The following NLRP8 variants were observed in gnomAD, a reference collection of about 807,000 sequenced individuals.
The protein encoded by NLRP8 is NACHT, LRR and PYD domains-containing protein 8.
A neutral mutation model predicts 88.7 loss-of-function variants in NLRP8; 86 were observed. That is an observed-to-expected ratio of 0.97 (90% CI 0.81 to 1.16). NLRP8 has a LOEUF of 1.16. Ranked by LOEUF, NLRP8 falls within the 50% of genes most tolerant of loss-of-function variation. NLRP8 has a pLI of 0.00. For missense variants in NLRP8, 1,342 were observed against 1,286.5 expected (o/e 1.04, Z -0.66); for synonymous variants, 504 against 494.6 (o/e 1.02, Z -0.25).
In NLRP8 at chr19:55,954,905, C is replaced by T. The variant is rs561042891; in HGVS notation, c.847C>T (p.Leu283=). 3.7e-5 allele frequency: 59 copies of T among 1,614,202 alleles called. No homozygotes were observed. The highest frequency in any genetic ancestry group is 5.5e-5 in the South Asian group (5 of 91,084). ...TATGTCCAAACCCGACCAACTTCTG[C>T]TGCTCTTGGATGGCTTTGAGGAGCT... The change falls in exon 3 of 10, where the codon CTG becomes TTG. Residue 283 remains leucine, a synonymous_variant. Transcript: ENST00000291971.
intron 9 of NLRP8, among the ~76,000 whole-genome samples, 170 bp downstream of exon 9, chr19:55,979,734 T>C (rs306474): frequency 0.37 from 55,551 of 151,676 alleles, 10,722 homozygotes; most frequent in Non-Finnish European, 0.43. Context: ...CTGGGCAACA[T>C]TGCAAAACCC....
At chr19:55,957,675 ATATATATATATATATATATATATAT>A (rs375645404) in intron 3 of NLRP8, among the ~76,000 whole-genome samples, 67,442 of 105,504 alleles carry the variant, frequency 0.64, 19,308 homozygotes, top group East Asian at 0.76. Flanking sequence ...AATAATAATT[ATATATATATATATATATATATATAT>A]ATATATATAT....
rs2123240851 is a variant in NLRP8 at position 55,987,925 on chromosome 19, A to G, written c.*12A>G. On this transcript the variant is annotated 3_prime_UTR_variant, in exon 10 of 10. Transcript: ENST00000291971. ...AGATTAATCCTTAGGCCGTCCAGTCATCTTTCTCTGGGGCTTGATTGATCA... is the reference window on the plus strand; with the variant it reads ...AGATTAATCCTTAGGCCGTCCAGTCGTCTTTCTCTGGGGCTTGATTGATCA... 1.3e-6 allele frequency: 2 copies of G among 1,590,378 alleles called. No homozygotes were observed. The highest frequency in any genetic ancestry group is 1.1e-5 in the South Asian group (1 of 90,570).
intron 8 of NLRP8, among the ~76,000 whole-genome samples, chr19:55,976,824 A>G (rs976235434): frequency 8.9e-5 from 5 of 56,002 alleles, no homozygotes; most frequent in African/African-American, 3.2e-4. Flanking sequence ...TCACGCCTAT[A>G]ATCCCAGCAC....
chr19:55,973,859 G>A lies in NLRP8; in HGVS notation c.2705+37G>A, dbSNP rs569450756. Reference sequence around the variant, plus strand: ...AATGTTTTCTTCTCTGAATTCCCTGGAGCAGAACAGGGTGATGAAGAGAAC... The same window carrying A: ...AATGTTTTCTTCTCTGAATTCCCTGAAGCAGAACAGGGTGATGAAGAGAAC... On this transcript the variant is annotated intron_variant, in intron 7 of 9. Transcript: ENST00000291971. 2.5e-6 allele frequency: 4 copies of A among 1,585,038 alleles called. No individual in the cohort carries two copies. In the African/African-American group the frequency reaches 5.4e-5, roughly 21 times the overall value.
Position 55,986,294 on chromosome 19 carries a change from ACACT to A in NLRP8, c.3048-1518_3048-1515del, listed in dbSNP as rs926666355. On this transcript the variant is annotated intron_variant, in intron 9 of 9. Coordinates refer to ENST00000291971, the MANE Select transcript of NLRP8 (RefSeq NM_176811.2). The stretch of plus-strand genomic sequence containing the variant: ...CCAACACACACTCACACTCACACAC[ACACT>A]CTATCATACACAGTCTCTCACACAC... Among the ~76,000 whole-genome samples the A allele has an allele frequency of 7.3e-5, 11 of 151,126 alleles. No homozygotes were observed. The East Asian group carries it at 1.4e-3, about 19-fold the overall frequency.
chr19:55,958,412 C>T (rs1270920448), intron 3 of NLRP8, among the ~76,000 whole-genome samples: 1 of 152,168 alleles, frequency 6.6e-6, no homozygotes, highest in Non-Finnish European at 1.5e-5. Flanking sequence ...AAGTTCTGTT[C>T]CATTCTTCAC....
rs772876824 is a variant in NLRP8, at chr19:55,955,187, G to T, written c.1129G>T (p.Asp377Tyr). The T allele has an allele frequency of 1.4e-5, 23 of 1,614,022 alleles. No homozygotes were observed. In the South Asian group the frequency reaches 2.3e-4, roughly 16 times the overall value. The change falls in exon 3 of 10, where the codon GAC becomes TAC. Residue 377 changes from aspartate (D) to tyrosine (Y), a missense_variant. Transcript: ENST00000291971. ...GTATTTTGGACACACAGAGGAGGGA[G>T]ACCAAGTCTTGAGTTTCGCCATGGA... is the stretch of plus-strand genomic sequence containing the variant.
intron 3 of NLRP8, among the ~76,000 whole-genome samples, chr19:55,958,223 G>A (rs935328094): frequency 3.9e-5 from 6 of 152,154 alleles, no homozygotes; most frequent in Admixed American, 2.6e-4. Context: ...ACTGCTCTGC[G>A]AAAAGGAACC....
At chr19:55,952,653 G>A (rs766575090) in intron 2 of NLRP8, 41 bp downstream of exon 2, 1 of 1,538,202 alleles carries the variant, frequency 6.5e-7, no homozygotes, top group East Asian at 2.2e-5. Flanking sequence ...GAAAAAATGG[G>A]CTATGGACTG....
Position 55,973,696 on chromosome 19 carries a change from C to T in NLRP8, c.2579C>T (p.Ala860Val), listed in dbSNP as rs756711324. ...ACACAGCTTACTTGTGAAAGCCTTG[C>T]CTCCTGTCTCAGGCAGAGTAAGATG... The change falls in exon 7 of 10, where the codon GCC (alanine) becomes GTC (valine). Residue 860 changes from alanine to valine, a missense_variant. Transcript: ENST00000291971. 5.6e-6 allele frequency: 9 copies of T among 1,613,594 alleles called. No homozygotes were observed. In the East Asian group the frequency reaches 1.6e-4, roughly 28 times the overall value.
chr19:55,973,835 A>G lies in NLRP8; in HGVS notation c.2705+13A>G. 1 of 1,602,290 alleles carries G rather than the reference A, an allele frequency of 6.2e-7. No individual in the cohort carries two copies. Among genetic ancestry groups the G allele is most frequent in the Non-Finnish European group, 8.5e-7 (1 of 1,171,848 alleles). On this transcript the variant is annotated intron_variant, in intron 7 of 9. Coordinates refer to ENST00000291971, the MANE Select transcript of NLRP8 (RefSeq NM_176811.2). ...TGCAGAGGCTGGTGTAAGTCCCAGA[A>G]TGTTTTCTTCTCTGAATTCCCTGGA...
intron 8 of NLRP8, 77 bp from the exon 9 acceptor site, chr19:55,979,317 A>G: frequency 6.7e-7 from 1 of 1,499,830 alleles, no homozygotes; most frequent in Non-Finnish European, 9.2e-7. Context: ...TCTTGGCTGT[A>G]AGCCGTCACA....
intron 2 of NLRP8, among the ~76,000 whole-genome samples, chr19:55,953,792 C>CT (rs35767678): frequency 0.37 from 20,202 of 55,220 alleles, 7,108 homozygotes; most frequent in East Asian, 0.59. Context: ...TGTGCCTGGC[C>CT]TTTTTTTTTT....
rs182307958 is a variant in NLRP8, at chr19:55,949,384, C to T, written c.367+1115C>T. Among the ~76,000 whole-genome samples the T allele has an allele frequency of 2.5e-3, 375 of 151,966 alleles. 3 individuals are homozygous for T. Among genetic ancestry groups the T allele is most frequent in the African/African-American group, 8.6e-3 (356 of 41,432 alleles). ...TCCCCAGTAGCTGGGATTACAGGTG[C>T]GCACCACCACACCCAGCTAATTTTT... On this transcript the variant is annotated intron_variant, in intron 1 of 9. Transcript: ENST00000291971.
chr19:55,981,128 C>A (rs1023946823), intron 9 of NLRP8, among the ~76,000 whole-genome samples: 8 of 152,042 alleles, frequency 5.3e-5, no homozygotes, highest in Admixed American at 3.3e-4. Context: ...AAGGAGACTT[C>A]CTGAAGATAA....
intron 2 of NLRP8, among the ~76,000 whole-genome samples, chr19:55,953,584 C>G (rs952935133): frequency 1.3e-5 from 2 of 152,012 alleles, no homozygotes; most frequent in African/African-American, 4.8e-5. Context: ...CTGCAACCTT[C>G]TGCCTCCCAG....
chr19:55,950,547 A>C (rs1979046974), intron 1 of NLRP8, among the ~76,000 whole-genome samples: 1 of 152,202 alleles, frequency 6.6e-6, no homozygotes, highest in Non-Finnish European at 1.5e-5. Context: ...ATCAATACTT[A>C]CAGCGCTTTC....
At chr19:55,957,082 T>C (rs1979389085) in intron 3 of NLRP8, among the ~76,000 whole-genome samples, 1 of 152,182 alleles carries the variant, frequency 6.6e-6, no homozygotes, top group African/African-American at 2.4e-5. Context: ...CATGAGCCGC[T>C]GCGCCCAGCC....
Sources: gnomAD v4.1 joint callset for allele counts (sites outside exome capture counted in the v4.1 genomes callset) on GRCh38, gnomAD v4.1.1 for gene constraint, MANE v1.5 for transcripts, NCBI Gene and HGNC (gene_info 2026-07-23, HGNC 2026-07-21) for gene names.